PI4KA: variants seen among roughly 807,000 people sequenced by gnomAD.
PI4KA encodes the protein PI4-kinase alpha.
PI4KA carries 122 observed loss-of-function variants against 271.4 expected under a neutral mutation model. The ratio of observed to expected loss-of-function variants is 0.45; its 90% confidence interval spans 0.39 to 0.52. The LOEUF is 0.52. PI4KA is among the 20% of genes least tolerant of loss of function. The pLI, the probability that PI4KA is intolerant of heterozygous loss-of-function variation, is 0.00. For missense variants in PI4KA, 1,969 were observed against 2,769.1 expected (o/e 0.71, Z 6.48); for synonymous variants, 1,041 against 1,078.8 (o/e 0.96, Z 0.69).
At chr22:20,843,703 T>G (rs950677962) in intron 1 of PI4KA, among the ~76,000 whole-genome samples, 1 of 152,162 alleles carries the variant, frequency 6.6e-6, no homozygotes, top group Non-Finnish European at 1.5e-5. Flanking sequence ...ATCCTATTCC[T>G]GTTTTACAGG....
chr22:20,800,513 A>G lies in PI4KA; in HGVS notation c.1725-747T>C, dbSNP rs533169008. ...TGATGATACGTTACTCTGGATGTTGAGCTAATGGATAATCCTTCTCTTTTT... is the reference window on the plus strand; with the variant it reads ...TGATGATACGTTACTCTGGATGTTGGGCTAATGGATAATCCTTCTCTTTTT... On this transcript the variant is annotated intron_variant, in intron 14 of 54. Transcript: ENST00000255882. 3.3e-5 allele frequency among the ~76,000 whole-genome samples: 5 copies of G among 152,240 alleles called. No individual in the cohort carries two copies. In the East Asian group the frequency reaches 9.7e-4, roughly 29 times the overall value.
intron 19 of PI4KA, chr22:20,785,872 G>A: frequency 7.7e-7 from 1 of 1,302,220 alleles, no homozygotes; most frequent in Non-Finnish European, 1.1e-6. Context: ...GACAGTCCCG[G>A]AATATAAATT....
Position 20,765,332 on chromosome 22 carries a change from A to T in PI4KA, c.2438-96T>A, listed in dbSNP as rs1039185665. The T allele has an allele frequency of 2.0e-5, 26 of 1,297,232 alleles. No homozygotes were observed. In the African/African-American group the frequency reaches 2.5e-4, roughly 13 times the overall value. 80.4% of individuals were successfully genotyped at this position (1,297,232 alleles called of 1,614,324 possible). On this transcript the variant is annotated intron_variant, in intron 20 of 54. Coordinates refer to ENST00000255882, the MANE Select transcript of PI4KA (RefSeq NM_058004.4). ...TTTCTATAGTCATGGGTCCTTTGAG[A>T]CAATTATCCCAAAAACTAGGCACAG...
chr22:20,811,109 C>A, intron 8 of PI4KA, 77 bp from the exon 9 acceptor site: 1 of 1,053,672 alleles, frequency 9.5e-7, no homozygotes, highest in South Asian at 1.3e-5. Context: ...ACCGAAAACC[C>A]ATGACAAACT....
intron 30 of PI4KA, chr22:20,743,059 G>C (rs1929652800): frequency 2.4e-6 from 1 of 423,236 alleles, no homozygotes; most frequent in African/African-American, 2.0e-5. Flanking sequence ...TGAGCCCGGG[G>C]TCTGACCCAT....
At chr22:20,789,767 G>A (rs772386598) in intron 19 of PI4KA, among the ~76,000 whole-genome samples, 1 of 152,200 alleles carries the variant, frequency 6.6e-6, no homozygotes, top group Non-Finnish European at 1.5e-5. Flanking sequence ...TTAACTTCCT[G>A]AGGTTACATG....
intron 22 of PI4KA, chr22:20,764,518 G>T (rs1017682156): frequency 2.5e-5 from 7 of 275,808 alleles, no homozygotes; most frequent in Non-Finnish European, 4.8e-5. Context: ...TCCTCAGAAG[G>T]GCCTCGCTCA....
At chr22:20,722,859 T>C (rs532974768) in intron 42 of PI4KA, among the ~76,000 whole-genome samples, 15 of 152,336 alleles carry the variant, frequency 9.8e-5, no homozygotes, top group African/African-American at 3.6e-4. Context: ...CAAATGGATC[T>C]AAAGACAAAC....
intron 19 of PI4KA, among the ~76,000 whole-genome samples, chr22:20,784,819 G>C (rs1934082705): frequency 6.6e-6 from 1 of 152,124 alleles, no homozygotes; most frequent in African/African-American, 2.4e-5. Context: ...GAATGGAGAG[G>C]TCTTATTTCT....
rs752783548 is a variant in PI4KA at position 20,796,179 on chromosome 22, G to A, written c.2244C>T (p.Ser748=). ...CAGGGCCCTTCTCGCTTGCCCTCTC[G>A]CTGGCTCGCTTCCCCTCCAGCCCCA... The part of the protein sequence containing the change: ...VQLGLEGKRA[S]ERASEKGPAL... Residue 748 remains serine, a synonymous_variant, in exon 18 of 55, where the codon AGC becomes AGT. Coordinates refer to ENST00000255882, the MANE Select transcript of PI4KA (RefSeq NM_058004.4). 56 of 1,613,822 alleles carry A rather than the reference G, an allele frequency of 3.5e-5. No homozygotes were observed. The highest frequency in any genetic ancestry group is 4.4e-5 in the Non-Finnish European group (52 of 1,179,792).
chr22:20,771,130 G>A lies in PI4KA; in HGVS notation c.2329-5437C>T, dbSNP rs1413224725. 2.6e-5 allele frequency among the ~76,000 whole-genome samples: 4 copies of A among 151,870 alleles called. 1 individual carries two copies. Among genetic ancestry groups the A allele is most frequent in the Admixed American group, 6.6e-5 (1 of 15,240 alleles). ...GACAGGAGGTACTGCTCTACAGTGG[G>A]GTTAAAGCCATACACAAGCTGTGGT... On this transcript the variant is annotated intron_variant, in intron 19 of 54. Coordinates refer to ENST00000255882, the MANE Select transcript of PI4KA (RefSeq NM_058004.4).
At chr22:20,740,822 A>G (rs1371870697) in intron 32 of PI4KA, among the ~76,000 whole-genome samples, 2 of 152,236 alleles carry the variant, frequency 1.3e-5, no homozygotes, top group African/African-American at 2.4e-5. Context: ...GCTAAAAACA[A>G]TAAAACAAAA....
intron 19 of PI4KA, among the ~76,000 whole-genome samples, chr22:20,786,575 C>A (rs923807378): frequency 6.6e-6 from 1 of 152,220 alleles, no homozygotes; most frequent in African/African-American, 2.4e-5. Context: ...AGTTCCCCAT[C>A]CCGGAGAAGT....
intron 19 of PI4KA, chr22:20,779,302 G>C (rs1933553219): frequency 6.2e-7 from 1 of 1,613,958 alleles, no homozygotes; most frequent in Admixed American, 1.7e-5. Flanking sequence ...CCCAGCTTTA[G>C]CTCCGCCAAA....
At chr22:20,783,870 T>C in intron 19 of PI4KA, 1 of 1,500,608 alleles carries the variant, frequency 6.7e-7, no homozygotes, top group Non-Finnish European at 9.3e-7. Context: ...CTCTGCAGGC[T>C]ATCTGAATGA....
chr22:20,823,070 C>T (rs554041906), intron 4 of PI4KA, among the ~76,000 whole-genome samples: 7 of 152,174 alleles, frequency 4.6e-5, no homozygotes, highest in South Asian at 4.2e-4. Context: ...CCTGCCACCA[C>T]GCCCGGCTAA....
chr22:20,715,166 G>A (rs111935924), intron 45 of PI4KA, among the ~76,000 whole-genome samples: 2 of 152,006 alleles, frequency 1.3e-5, no homozygotes, highest in African/African-American at 4.8e-5. Flanking sequence ...CGCCTCCCAG[G>A]TTCAAGCAAT....
intron 1 of PI4KA, among the ~76,000 whole-genome samples, chr22:20,851,357 T>C (rs1926958711): frequency 6.6e-6 from 1 of 152,126 alleles, no homozygotes; most frequent in East Asian, 1.9e-4. Context: ...TGTTGTTTTT[T>C]GTGTGACGGA....
At position 20,742,817 on chromosome 22, in the gene PI4KA, A is replaced by T. The variant is rs561249180; in HGVS notation, c.3457-53T>A. On this transcript the variant is annotated intron_variant, in intron 30 of 54. Coordinates refer to ENST00000255882, the MANE Select transcript of PI4KA (RefSeq NM_058004.4). ...AGCATATAATCCAGGCAATGTGGGT[A>T]AGGTTCTGGAAGCCACCAGACCACA... The T allele has an allele frequency of 1.0e-5, 16 of 1,566,542 alleles. No individual in the cohort carries two copies. The East Asian group carries it at 3.4e-4, about 33-fold the overall frequency.
Sources: allele counts gnomAD v4.1 joint callset (sites outside exome capture counted in the v4.1 genomes callset), GRCh38; gene constraint gnomAD v4.1.1; transcripts MANE v1.5; gene names NCBI Gene and HGNC (gene_info 2026-07-23, HGNC 2026-07-21).